Variants in SNTA1 observed in about 807,000 individuals in gnomAD.
SNTA1 encodes syntrophin alpha 1.
SNTA1 carries 31 observed loss-of-function variants against 47.1 expected under a neutral mutation model. The observed-to-expected ratio is 0.66, with a 90% CI of 0.49 to 0.89. SNTA1 has a LOEUF of 0.89. Ranked by LOEUF, SNTA1 falls within the 40% of genes least tolerant of loss-of-function variation. SNTA1 has a pLI of 0.00. For synonymous variants in SNTA1, 300 were observed against 313.6 expected (o/e 0.96, Z 0.46); for missense variants, 575 against 693.0 (o/e 0.83, Z 1.91).
At position 33,443,653 on chromosome 20, in the gene SNTA1, G is replaced by C; in HGVS notation, c.-33C>G. 8.6e-7 allele frequency: 1 copy of C among 1,169,104 alleles called. No individual in the cohort carries two copies. Among genetic ancestry groups the C allele is most frequent in the Non-Finnish European group, 1.1e-6 (1 of 947,266 alleles). The allele number at this position is 1,169,104 out of a possible 1,614,324, so 72.4% of individuals were successfully genotyped here. ...TCCGAGCCCCCGGGCCGCCGCGCTC[G>C]CCCTGTCCCGCTTTGCCCAGCCCGC... On this transcript the variant is annotated 5_prime_UTR_variant, in exon 1 of 8. Transcript: ENST00000217381.
At chr20:33,442,111 T>C (rs1990592161) in intron 1 of SNTA1, among the ~76,000 whole-genome samples, 2 of 152,282 alleles carry the variant, frequency 1.3e-5, no homozygotes, top group African/African-American at 2.4e-5. Flanking sequence ...GAGTCTCAGT[T>C]TCTTCACCTG....
chr20:33,438,470 C>T lies in SNTA1; in HGVS notation c.496+371G>A, dbSNP rs976697450. Reference sequence around the variant, plus strand: ...TCCGCACCCCTCTCTCCCTGTGTCACTCAGGTGCTGGCACACTCTGCCATG... The same window carrying T: ...TCCGCACCCCTCTCTCCCTGTGTCATTCAGGTGCTGGCACACTCTGCCATG... On this transcript the variant is annotated intron_variant, in intron 2 of 7. Coordinates refer to ENST00000217381, the MANE Select transcript of SNTA1 (RefSeq NM_003098.3). 6.6e-5 allele frequency among the ~76,000 whole-genome samples: 10 copies of T among 152,264 alleles called. 1 individual carries two copies. In the Middle Eastern group the frequency reaches 0.014, roughly 207 times the overall value.
chr20:33,443,298 G>C lies in SNTA1; in HGVS notation c.310+13C>G, dbSNP rs1430690365. On this transcript the variant is annotated intron_variant, in intron 1 of 7. Coordinates refer to ENST00000217381, the MANE Select transcript of SNTA1 (RefSeq NM_003098.3). ...GACACCACGACCCCGCGCCCTCGGT[G>C]TCCCGCGCCCACCTTTGATGCTGAT... 1 of 1,505,296 alleles carries C rather than the reference G, an allele frequency of 6.6e-7. No homozygotes were observed. 93.2% of individuals were successfully genotyped at this position (1,505,296 alleles called of 1,614,324 possible). A position where few individuals can be genotyped will look rare whatever the true frequency, so the allele number is the denominator to read the frequency against.
rs368660364 is a variant in SNTA1, at chr20:33,408,748, C to T, written c.1378G>A (p.Gly460Ser). 6.2e-6 allele frequency: 10 copies of T among 1,614,034 alleles called. No homozygotes were observed. The highest frequency in any genetic ancestry group is 4.4e-5 in the South Asian group (4 of 91,078). Reference sequence around the variant, plus strand: ...AAATCCAGGAAAAGGAGACTGGCACCGTCATCTGAAGACATCTGCAGCTTC... The same window carrying T: ...AAATCCAGGAAAAGGAGACTGGCACTGTCATCTGAAGACATCTGCAGCTTC... ...FEKLQMSSDD[G>S]ASLLFLDFGG... Residue 460 changes from glycine to serine, a missense_variant, in exon 7 of 8, where the codon GGT becomes AGT. Gly to Ser is a moderately conservative substitution (Grantham distance 56). Coordinates refer to ENST00000217381, the MANE Select transcript of SNTA1 (RefSeq NM_003098.3).
chr20:33,439,823 A>G (rs1244578884), intron 1 of SNTA1, among the ~76,000 whole-genome samples: 1 of 152,128 alleles, frequency 6.6e-6, no homozygotes, highest in Non-Finnish European at 1.5e-5. Context: ...TGCCTCTACT[A>G]AAAACACAAA....
At position 33,443,332 on chromosome 20, in the gene SNTA1, C is replaced by G. The variant is rs761024617; in HGVS notation, c.289G>C (p.Gly97Arg). ...CCACCTTTGATGCTGATGCCCAGCC[C>G]ACCGGCGTCGGCCTTGCGCACCGTC... ...RVTVRKADAG[G>R]LGISIKGGRE... The change falls in exon 1 of 8, where the codon GGG (glycine) becomes CGG (arginine). Residue 97 changes from glycine (G) to arginine (R), a missense_variant. Gly to Arg is a moderately radical substitution (Grantham distance 125, BLOSUM62 -2). Transcript: ENST00000217381. 4.0e-6 allele frequency: 6 copies of G among 1,503,500 alleles called. No homozygotes were observed. Among genetic ancestry groups the G allele is most frequent in the Non-Finnish European group, 5.3e-6 (6 of 1,133,474 alleles). 93.1% of individuals were successfully genotyped at this position (1,503,500 alleles called of 1,614,324 possible).
chr20:33,441,816 G>A (rs1568763889), intron 1 of SNTA1, among the ~76,000 whole-genome samples: 1 of 152,166 alleles, frequency 6.6e-6, no homozygotes, highest in Non-Finnish European at 1.5e-5. Flanking sequence ...ATGGAATTCT[G>A]TATGAATAAG....
intron 3 of SNTA1, among the ~76,000 whole-genome samples, chr20:33,415,070 T>C (rs1297766261): frequency 6.6e-6 from 1 of 152,180 alleles, no homozygotes; most frequent in Non-Finnish European, 1.5e-5. Flanking sequence ...CCCAGTTATA[T>C]TGAGGTTACC....
Position 33,443,662 on chromosome 20 carries a change from C to A in SNTA1, c.-42G>T. On this transcript the variant is annotated 5_prime_UTR_variant, in exon 1 of 8. Transcript: ENST00000217381. ...CCGGGCCGCCGCGCTCGCCCTGTCC[C>A]GCTTTGCCCAGCCCGCTCCGACCAA... is the stretch of plus-strand genomic sequence containing the variant. 1 of 1,149,708 alleles carries A rather than the reference C, an allele frequency of 8.7e-7. No individual in the cohort carries two copies. The highest frequency in any genetic ancestry group is 3.7e-5 in the South Asian group (1 of 26,988). 71.2% of individuals were successfully genotyped at this position (1,149,708 alleles called of 1,614,324 possible).
At position 33,412,614 on chromosome 20, in the gene SNTA1, C is replaced by T; in HGVS notation, c.870G>A (p.Gly290=). The T allele has an allele frequency of 6.2e-7, 1 of 1,613,936 alleles. No individual in the cohort carries two copies. The highest frequency in any genetic ancestry group is 8.5e-7 in the Non-Finnish European group (1 of 1,180,016). ...QALLAATSTA[G]SQDIKQIGWL... ...AGCCAATCTGCTTGATGTCCTGGCT[C>T]CCAGCTGTGCTGGTGGCTGCCAACA... The change falls in exon 4 of 8, where the codon GGG becomes GGA. Residue 290 remains glycine (G), a synonymous_variant. Coordinates refer to ENST00000217381, the MANE Select transcript of SNTA1 (RefSeq NM_003098.3).
chr20:33,443,441 C>T lies in SNTA1; in HGVS notation c.180G>A (p.Glu60=). The change falls in exon 1 of 8, where the codon GAG becomes GAA. Residue 60 remains glutamate (E), a synonymous_variant. Transcript: ENST00000217381. ...GPEPGAPREQ[E]PAQLNGAAEP... is the part of the protein sequence containing the mutation. ...CCGCGGCGCCGTTGAGCTGCGCGGG[C>T]TCCTGCTCCCGCGGAGCGCCGGGCT... The T allele has an allele frequency of 7.4e-7, 1 of 1,356,062 alleles. No individual in the cohort carries two copies. Among genetic ancestry groups the T allele is most frequent in the Non-Finnish European group, 9.5e-7 (1 of 1,054,300 alleles). 84.0% of individuals were successfully genotyped at this position (1,356,062 alleles called of 1,614,324 possible).
intron 2 of SNTA1, among the ~76,000 whole-genome samples, chr20:33,426,624 T>C (rs1990177486): frequency 2.7e-5 from 4 of 150,374 alleles, no homozygotes; most frequent in Admixed American, 2.0e-4. Flanking sequence ...TAGTCAGGCA[T>C]GGTGGCAGAC....
At chr20:33,431,485 C>T (rs1405756197) in intron 2 of SNTA1, among the ~76,000 whole-genome samples, 2 of 152,034 alleles carry the variant, frequency 1.3e-5, no homozygotes, top group African/African-American at 4.8e-5. Context: ...CGGTGGCTCA[C>T]ACCTGTAATC....
intron 3 of SNTA1, among the ~76,000 whole-genome samples, chr20:33,413,939 TA>T (rs895286801): frequency 1.3e-5 from 2 of 148,708 alleles, no homozygotes; most frequent in African/African-American, 5.0e-5. Context: ...GACCTCATCT[TA>T]AAAAAACAGA....
rs149133565 is a variant in SNTA1, at chr20:33,439,670, T to G, written c.311-644A>C. On this transcript the variant is annotated intron_variant, in intron 1 of 7. Coordinates refer to ENST00000217381, the MANE Select transcript of SNTA1 (RefSeq NM_003098.3). Reference sequence around the variant, plus strand: ...CATGTAACCCATAAATATATATGCCTACTATGTACGCACAAAAATTAAAAA... The same window carrying G: ...CATGTAACCCATAAATATATATGCCGACTATGTACGCACAAAAATTAAAAA... 5.5e-3 allele frequency among the ~76,000 whole-genome samples: 844 copies of G among 152,330 alleles called. 6 individuals carry two copies. Among genetic ancestry groups the G allele is most frequent in the Non-Finnish European group, 8.2e-3 (560 of 68,036 alleles).
chr20:33,421,273 G>A (rs924377920), intron 2 of SNTA1, among the ~76,000 whole-genome samples: 4 of 152,152 alleles, frequency 2.6e-5, no homozygotes, highest in African/African-American at 4.8e-5. Flanking sequence ...GTGTAACCAT[G>A]GACAAGGTCA....
intron 2 of SNTA1, among the ~76,000 whole-genome samples, chr20:33,421,498 G>A (rs901047553): frequency 5.9e-5 from 9 of 152,102 alleles, no homozygotes; most frequent in African/African-American, 9.7e-5. Context: ...TGTAATCCCA[G>A]CTACTCAGGA....
chr20:33,410,385 G>A (rs1989712831), intron 5 of SNTA1, 54 bp from the exon 6 acceptor site: 1 of 1,236,122 alleles, frequency 8.1e-7, no homozygotes, highest in Middle Eastern at 2.7e-4. Flanking sequence ...GAGGCAAATA[G>A]TTCTGGGCAA....
chr20:33,420,427 G>A (rs1042023799), intron 2 of SNTA1, among the ~76,000 whole-genome samples: 1 of 152,148 alleles, frequency 6.6e-6, no homozygotes, highest in Admixed American at 6.6e-5. Context: ...GCAGTCAAAA[G>A]CATCCTGACA....
Sources: allele counts gnomAD v4.1 joint callset (sites outside exome capture counted in the v4.1 genomes callset), GRCh38; gene constraint gnomAD v4.1.1; transcripts MANE v1.5; gene names NCBI Gene and HGNC (gene_info 2026-07-23, HGNC 2026-07-21).